Variants in MCF2L2 observed in about 807,000 individuals in gnomAD.
The protein encoded by MCF2L2 is MCF.2 cell line derived transforming sequence-like 2.
Under a neutral mutation model 150.2 loss-of-function variants are expected in MCF2L2, and 102 were observed. The ratio of observed to expected loss-of-function variants is 0.68; its 90% CI spans 0.58 to 0.80. The LOEUF (loss-of-function observed/expected upper bound fraction) is 0.80, where lower values mean the gene tolerates loss of function less well. Among genes scored for constraint, MCF2L2 ranks in the 30% least tolerant of loss-of-function variants. The pLI is 0.00. For synonymous variants in MCF2L2, 465 were observed against 491.3 expected (o/e 0.95, Z 0.71); for missense variants, 1,256 against 1,372.8 (o/e 0.91, Z 1.34).
At chr3:183,362,606 TA>T (rs59562818) in intron 3 of MCF2L2, among the ~76,000 whole-genome samples, 4,522 of 143,958 alleles carry the variant, frequency 0.031, 185 homozygotes, top group African/African-American at 0.096. Flanking sequence ...CTTACAGGAT[TA>T]AAAAAAAAAA....
chr3:183,413,520 T>C (rs1715428073), intron 1 of MCF2L2, among the ~76,000 whole-genome samples: 1 of 152,088 alleles, frequency 6.6e-6, no homozygotes, highest in African/African-American at 2.4e-5. Context: ...CTCCAGTAAC[T>C]GTTTGTCCAG....
intron 18 of MCF2L2, 174 bp from the exon 19 acceptor site, chr3:183,224,364 G>A (rs1384961493): frequency 3.6e-6 from 2 of 559,976 alleles, no homozygotes; most frequent in East Asian, 2.9e-5. Flanking sequence ...GAGATAAACA[G>A]AAGGCTTTAA....
chr3:183,358,136 A>T (rs1248751372), intron 3 of MCF2L2, among the ~76,000 whole-genome samples: 2 of 152,028 alleles, frequency 1.3e-5, no homozygotes, highest in Non-Finnish European at 2.9e-5. Flanking sequence ...AAAAAAATAC[A>T]AAAAATTATC....
chr3:183,220,673 T>C (rs746587347), intron 20 of MCF2L2, among the ~76,000 whole-genome samples: 8 of 152,184 alleles, frequency 5.3e-5, no homozygotes, highest in Non-Finnish European at 1.2e-4. Context: ...GCCCCTAGCC[T>C]ACAAGGGGTA....
intron 3 of MCF2L2, among the ~76,000 whole-genome samples, chr3:183,361,579 G>T (rs947199171): frequency 6.6e-6 from 1 of 152,188 alleles, no homozygotes; most frequent in Non-Finnish European, 1.5e-5. Flanking sequence ...CACTGTGATT[G>T]TAAGTTTCCT....
intron 27 of MCF2L2, among the ~76,000 whole-genome samples, chr3:183,184,527 T>A (rs1041405832): frequency 6.6e-6 from 1 of 152,198 alleles, no homozygotes; most frequent in African/African-American, 2.4e-5. Flanking sequence ...AGATAAGGAC[T>A]GGTGAGAGTA....
intron 13 of MCF2L2, 142 bp downstream of exon 13, chr3:183,295,158 T>C: frequency 1.3e-6 from 1 of 777,426 alleles, no homozygotes. Context: ...CTTCCATGTC[T>C]GCACTATGCT....
intron 1 of MCF2L2, among the ~76,000 whole-genome samples, chr3:183,393,125 G>A (rs11720763): frequency 0.21 from 31,254 of 151,902 alleles, 3,632 homozygotes; most frequent in Middle Eastern, 0.28. Context: ...TGGCCTCACA[G>A]AGGTCTGTGG....
chr3:183,271,213 T>C (rs1560391626), intron 15 of MCF2L2: 1 of 277,476 alleles, frequency 3.6e-6, no homozygotes, highest in Non-Finnish European at 7.1e-6. Flanking sequence ...TAATGCCACA[T>C]ATATACTTGA....
At chr3:183,259,301 G>C (rs1348624268) in intron 15 of MCF2L2, among the ~76,000 whole-genome samples, 7 of 152,212 alleles carry the variant, frequency 4.6e-5, no homozygotes, top group African/African-American at 1.4e-4. Context: ...AGGAGTCCTA[G>C]TGGGGTGGCA....
intron 3 of MCF2L2, chr3:183,372,370 A>G (rs1020289435): frequency 3.9e-5 from 6 of 152,204 alleles, no homozygotes; most frequent in African/African-American, 1.4e-4. Context: ...AGAGGACACA[A>G]CGAACACCAA....
chr3:183,219,448 T>C lies in MCF2L2; in HGVS notation c.2370+408A>G, dbSNP rs571260734. Among the ~76,000 whole-genome samples, 6 of 152,078 alleles carry C rather than the reference T, an allele frequency of 3.9e-5. No individual in the cohort carries two copies. In the South Asian group the frequency reaches 1.0e-3, roughly 26 times the overall value. On this transcript the variant is annotated intron_variant, in intron 21 of 29. Transcript: ENST00000328913. The stretch of plus-strand genomic sequence containing the variant: ...CAACATGGCGAAACCCCGTCTCTAC[T>C]AAAAATAAAAAAATTAGCTGTGCAT...
rs1729877778 is a variant in MCF2L2 at position 183,323,058 on chromosome 3, A to G, written c.603+177T>C. Among the ~76,000 whole-genome samples the G allele has an allele frequency of 3.9e-5, 6 of 152,116 alleles. No individual in the cohort carries two copies. In the South Asian group the frequency reaches 1.0e-3, roughly 26 times the overall value. On this transcript the variant is annotated intron_variant, in intron 6 of 29. Coordinates refer to ENST00000328913, the MANE Select transcript of MCF2L2 (RefSeq NM_015078.4). ...TGGGGTAAGGTGGTCAACAGGAGAA[A>G]TCCCAGCCTTCGCCCTTCCACACTC...
At chr3:183,344,569 C>T (rs1405979879) in intron 3 of MCF2L2, among the ~76,000 whole-genome samples, 5 of 152,176 alleles carry the variant, frequency 3.3e-5, no homozygotes, top group African/African-American at 4.8e-5. Context: ...CAAGTTCACA[C>T]ATAACAATAT....
At chr3:183,354,553 A>C (rs1711649716) in intron 3 of MCF2L2, among the ~76,000 whole-genome samples, 2 of 141,720 alleles carry the variant, frequency 1.4e-5, no homozygotes, top group Admixed American at 1.6e-4. Flanking sequence ...ATAATAACTT[A>C]ACCATTTCAA....
chr3:183,227,612 A>G lies in MCF2L2; in HGVS notation c.2115+685T>C, dbSNP rs573324388. 1 of 152,180 alleles carries G rather than the reference A, an allele frequency of 6.6e-6. No homozygotes were observed. Among genetic ancestry groups the G allele is most frequent in the Non-Finnish European group, 1.5e-5 (1 of 68,036 alleles). 9.4% of individuals were successfully genotyped at this position (152,180 alleles called of 1,614,324 possible). A position where few individuals can be genotyped will look rare whatever the true frequency, so the allele number is the denominator to read the frequency against. ...TGATTCTTGTTTTAAAACGTAGTTG[A>G]GTCATTCAGAAGAGGATCCTCTGCT... On this transcript the variant is annotated intron_variant, in intron 18 of 29. Coordinates refer to ENST00000328913, the MANE Select transcript of MCF2L2 (RefSeq NM_015078.4). The surrounding 1 kb of genome is among the most constrained non-coding windows in gnomAD (Gnocchi z 4.0).
chr3:183,353,279 T>C (rs1024292128), intron 3 of MCF2L2, among the ~76,000 whole-genome samples: 9 of 152,332 alleles, frequency 5.9e-5, no homozygotes, highest in African/African-American at 2.2e-4. Flanking sequence ...TAGAGGATAC[T>C]TCCGCTTTAC....
chr3:183,397,545 A>G (rs1478514275), intron 1 of MCF2L2, among the ~76,000 whole-genome samples: 2 of 152,190 alleles, frequency 1.3e-5, no homozygotes, highest in Non-Finnish European at 2.9e-5. Flanking sequence ...TGAATTTTGG[A>G]GGGCCACATA....
intron 6 of MCF2L2, among the ~76,000 whole-genome samples, chr3:183,318,920 G>A (rs535662282): frequency 5.9e-5 from 9 of 152,344 alleles, no homozygotes; most frequent in Non-Finnish European, 1.3e-4. Flanking sequence ...TTGCCTCAAT[G>A]TGGATGGCTG....
Sources: allele counts gnomAD v4.1 joint callset (sites outside exome capture counted in the v4.1 genomes callset), GRCh38; gene constraint gnomAD v4.1.1; non-coding constraint Gnocchi (gnomAD v3.1); transcripts MANE v1.5; gene names NCBI Gene and HGNC (gene_info 2026-07-23, HGNC 2026-07-21).